LARP4B: variants seen among roughly 807,000 people sequenced by gnomAD.
The protein encoded by LARP4B is La ribonucleoprotein 4B.
LARP4B carries 12 observed loss-of-function variants against 89.8 expected under a neutral mutation model. The observed-to-expected ratio is 0.13, with a 90% CI of 0.09 to 0.22. The LOEUF is 0.22. LARP4B is among the 10% of genes least tolerant of loss of function. LARP4B has a pLI of 1.00. For synonymous variants in LARP4B, 367 were observed against 363.3 expected (o/e 1.01, Z -0.12); for missense variants, 757 against 947.7 (o/e 0.80, Z 2.64).
chr10:824,494 AAAAC>A (rs149582198), intron 13 of LARP4B, among the ~76,000 whole-genome samples: 26,657 of 151,930 alleles, frequency 0.18, 2,498 homozygotes, highest in Non-Finnish European at 0.21. Flanking sequence ...CCCTGTCTTA[AAAAC>A]AAACAAACAA....
chr10:907,061 A>G (rs990006009), intron 1 of LARP4B, among the ~76,000 whole-genome samples: 1 of 152,190 alleles, frequency 6.6e-6, no homozygotes, highest in Non-Finnish European at 1.5e-5. Context: ...CCTCCCACAA[A>G]GCCTTGGTTG....
the LARP4B span, among the ~76,000 whole-genome samples, chr10:950,814 A>G: frequency 6.6e-6 from 1 of 151,106 alleles, no homozygotes; most frequent in Non-Finnish European, 1.5e-5. Context: ...TGGAAATATT[A>G]TTGAATTTTG....
chr10:936,506 T>C (rs1233766827), upstream of LARP4B, among the ~76,000 whole-genome samples: 1 of 152,178 alleles, frequency 6.6e-6, no homozygotes. Context: ...TATCATCTAA[T>C]GTCAGGAGTT....
At chr10:955,602 G>A in the LARP4B span, among the ~76,000 whole-genome samples, 4 of 152,062 alleles carry the variant, frequency 2.6e-5, no homozygotes, top group South Asian at 2.1e-4. This position sits in a 1 kb window ranked among gnomAD's most constrained non-coding sequence, Gnocchi z 5.2. Flanking sequence ...CCCTCCACAC[G>A]TGTCTCCACC....
At chr10:838,791 T>C (rs1833365468) in intron 7 of LARP4B, among the ~76,000 whole-genome samples, 1 of 152,210 alleles carries the variant, frequency 6.6e-6, no homozygotes, top group South Asian at 2.1e-4. Flanking sequence ...AAAAATTATG[T>C]CCACACAAAA....
intron 3 of LARP4B, among the ~76,000 whole-genome samples, chr10:870,395 G>A (rs990560128): frequency 7.2e-5 from 11 of 152,308 alleles, no homozygotes; most frequent in Middle Eastern, 3.4e-3. Context: ...TGGTACAATC[G>A]TGTCTTTGCT....
At chr10:824,663 C>G (rs1037902020) in intron 13 of LARP4B, among the ~76,000 whole-genome samples, 2 of 152,236 alleles carry the variant, frequency 1.3e-5, no homozygotes, top group African/African-American at 4.8e-5. Context: ...CCTGGTTACC[C>G]GCTCCAGGCT....
chr10:951,469 C>T, the LARP4B span, among the ~76,000 whole-genome samples: 53 of 152,156 alleles, frequency 3.5e-4, no homozygotes, highest in South Asian at 9.1e-3. Context: ...CCGCTTGAAC[C>T]CATGAGGTAG....
chr10:865,674 A>G (rs528147283), intron 3 of LARP4B, among the ~76,000 whole-genome samples: 20 of 152,332 alleles, frequency 1.3e-4, no homozygotes, highest in Non-Finnish European at 2.8e-4. Context: ...TTTTTCTGAT[A>G]CAAGCCTTTC....
chr10:839,193 C>T (rs1490544896), intron 7 of LARP4B, among the ~76,000 whole-genome samples: 5 of 152,152 alleles, frequency 3.3e-5, no homozygotes. Context: ...GATAATGTCC[C>T]TATATGGTTG....
chr10:972,153 G>C, the LARP4B span: 20 of 242,782 alleles, frequency 8.2e-5, no homozygotes, highest in Non-Finnish European at 1.6e-5. Context: ...TCAGCCTCCT[G>C]AGTAGCTAGG....
At chr10:881,009 T>G (rs1270858380) in intron 3 of LARP4B, among the ~76,000 whole-genome samples, 5 of 152,186 alleles carry the variant, frequency 3.3e-5, no homozygotes, top group Non-Finnish European at 7.3e-5. Flanking sequence ...AAGCAGGTAC[T>G]TGGCTGGTCG....
downstream of LARP4B, chr10:807,070 C>T (rs1457225866): frequency 6.6e-6 from 1 of 152,180 alleles, no homozygotes; most frequent in Non-Finnish European, 1.5e-5. Context: ...AAAAACGGCA[C>T]GTTACACCGA....
upstream of LARP4B, among the ~76,000 whole-genome samples, chr10:931,979 C>T (rs1045885811): frequency 1.0e-4 from 15 of 147,236 alleles, 1 homozygote; most frequent in African/African-American, 3.2e-4. Context: ...CCGCCCCGCC[C>T]GCCCCGCCCG....
intron 13 of LARP4B, 103 bp from the exon 14 acceptor site, chr10:820,948 CT>C: frequency 1.0e-6 from 1 of 967,916 alleles, no homozygotes; most frequent in Non-Finnish European, 1.6e-6. Flanking sequence ...TCAATTCAGT[CT>C]TTATCACTTT....
chr10:981,444 A>T, the LARP4B span, among the ~76,000 whole-genome samples: 1 of 152,256 alleles, frequency 6.6e-6, no homozygotes, highest in African/African-American at 2.4e-5. Context: ...CCCCACCTCC[A>T]GCACTGGGGA....
intron 7 of LARP4B, among the ~76,000 whole-genome samples, chr10:842,663 T>C (rs986219543): frequency 6.6e-6 from 1 of 152,236 alleles, no homozygotes; most frequent in African/African-American, 2.4e-5. Context: ...ACAGCTATCT[T>C]TAAAATCCCC....
downstream of LARP4B, chr10:808,224 T>C (rs1019326927): frequency 1.3e-5 from 2 of 152,262 alleles, no homozygotes; most frequent in Non-Finnish European, 2.9e-5. Context: ...GGGTTTGTTA[T>C]GTGGCAACAG....
chr10:824,179 G>A (rs1832498714), intron 13 of LARP4B, among the ~76,000 whole-genome samples: 1 of 152,162 alleles, frequency 6.6e-6, no homozygotes. Context: ...CCAAGGCAAG[G>A]ACTGAGAAGA....
Sources: allele counts gnomAD v4.1 joint callset (sites outside exome capture counted in the v4.1 genomes callset), GRCh38; gene constraint gnomAD v4.1.1; non-coding constraint Gnocchi (gnomAD v3.1); transcripts MANE v1.5; gene names NCBI Gene and HGNC (gene_info 2026-07-23, HGNC 2026-07-21).